The following TMED5 variants were observed in gnomAD, a reference collection of about 807,000 sequenced individuals.
The protein encoded by TMED5 is transmembrane emp24 domain-containing protein 5.
In TMED5, 27 loss-of-function variants were observed where a neutral mutation model predicts 23.0. The ratio of observed to expected loss-of-function variants is 1.17; its 90% CI spans 0.86 to 1.62. TMED5 has a LOEUF of 1.62. Among genes scored for constraint, TMED5 ranks in the 40% most tolerant of loss-of-function variants. TMED5 has a pLI of 0.00. For synonymous variants in TMED5, 97 were observed against 100.8 expected (o/e 0.96, Z 0.23); for missense variants, 248 against 273.7 (o/e 0.91, Z 0.66).
chr1:93,159,858 T>C (rs1648207743), intron 2 of TMED5, among the ~76,000 whole-genome samples: 1 of 152,168 alleles, frequency 6.6e-6, no homozygotes, highest in Non-Finnish European at 1.5e-5. Flanking sequence ...AATGCCACGA[T>C]AGATTGAATG....
chr1:93,179,914 C>A, intron 1 of TMED5, 140 bp downstream of exon 1: 1 of 909,650 alleles, frequency 1.1e-6, no homozygotes. Flanking sequence ...CGCGCGCCTG[C>A]GCGGAGCGGG....
intron 1 of TMED5, among the ~76,000 whole-genome samples, chr1:93,174,079 TC>T (rs1648824468): frequency 6.6e-6 from 1 of 152,112 alleles, no homozygotes; most frequent in Non-Finnish European, 1.5e-5. Flanking sequence ...TGCCTCAGCC[TC>T]CCGAGTAGCT....
chr1:93,168,525 A>G (rs1648583266), intron 1 of TMED5, among the ~76,000 whole-genome samples: 2 of 152,224 alleles, frequency 1.3e-5, no homozygotes, highest in Non-Finnish European at 2.9e-5. Flanking sequence ...GAATAAGGAA[A>G]ATCTTCAGGG....
At chr1:93,160,295 A>G (rs1488396745) in intron 1 of TMED5, 69 bp from the exon 2 acceptor site, 2 of 875,100 alleles carry the variant, frequency 2.3e-6, no homozygotes, top group South Asian at 3.1e-5. Context: ...TATACAGTAG[A>G]TCATATGATG....
intron 1 of TMED5, among the ~76,000 whole-genome samples, chr1:93,178,556 T>TA: frequency 1.3e-5 from 2 of 152,088 alleles, no homozygotes; most frequent in Non-Finnish European, 2.9e-5. Context: ...TTCTTTCTCT[T>TA]TTACCTACAT....
At position 93,175,994 on chromosome 1, in the gene TMED5, A is replaced by G. The variant is rs560286869; in HGVS notation, c.189+4060T>C. Among the ~76,000 whole-genome samples the G allele has an allele frequency of 2.0e-5, 3 of 152,326 alleles. No individual in the cohort carries two copies. The South Asian group carries it at 6.2e-4, about 32-fold the overall frequency. ...AGGTGATTACTGTTAAAGTATAGAA[A>G]CTGGTACAGAGAGGCTCAATACCTT... On this transcript the variant is annotated intron_variant, in intron 1 of 3. Coordinates refer to ENST00000370282, the MANE Select transcript of TMED5 (RefSeq NM_016040.5).
chr1:93,163,437 C>G (rs1275130031), intron 1 of TMED5, among the ~76,000 whole-genome samples: 1 of 150,836 alleles, frequency 6.6e-6, no homozygotes, highest in Non-Finnish European at 1.5e-5. Flanking sequence ...CTCTGGCTCT[C>G]AGGTTCAAAT....
At chr1:93,166,190 A>C (rs923139468) in intron 1 of TMED5, among the ~76,000 whole-genome samples, 2 of 152,150 alleles carry the variant, frequency 1.3e-5, no homozygotes, top group Admixed American at 1.3e-4. Context: ...GTTGCTTCCA[A>C]ATTTTGGCTG....
At chr1:93,160,998 C>T (rs1412321733) in intron 1 of TMED5, 1 of 152,210 alleles carries the variant, frequency 6.6e-6, no homozygotes, top group Non-Finnish European at 1.5e-5. Context: ...TCTTCTACTA[C>T]TTCCCAGTAT....
chr1:93,169,882 T>TAAACACACACAC (rs1553159702), intron 1 of TMED5, among the ~76,000 whole-genome samples: 5 of 130,502 alleles, frequency 3.8e-5, no homozygotes, highest in Non-Finnish European at 8.0e-5. Context: ...ACCCTGTCTG[T>TAAACACACACAC]ACACACACAC....
At chr1:93,160,081 C>T in intron 2 of TMED5, 48 bp downstream of exon 2, 2 of 1,127,606 alleles carry the variant, frequency 1.8e-6, no homozygotes, top group Non-Finnish European at 2.7e-6. Flanking sequence ...TGCAGATAAC[C>T]CACTGGTATT....
chr1:93,165,235 A>G (rs1239377882), intron 1 of TMED5, among the ~76,000 whole-genome samples: 1 of 152,250 alleles, frequency 6.6e-6, no homozygotes, highest in East Asian at 1.9e-4. Context: ...AAATATTTTA[A>G]GCCAGTAAAT....
chr1:93,156,468 A>G lies in TMED5; in HGVS notation c.303T>C (p.Val101=). 1 of 1,613,568 alleles carries G rather than the reference A, an allele frequency of 6.2e-7. No individual in the cohort carries two copies. Among genetic ancestry groups the G allele is most frequent in the Non-Finnish European group, 8.5e-7 (1 of 1,179,584 alleles). The change falls in exon 3 of 4, where the codon GTT becomes GTC. Residue 101 remains valine, a synonymous_variant. Transcript: ENST00000370282. ...SDGVHTVETE[V]GDYMFCFDNT... is the part of the protein sequence containing the mutation. ...TGTCAAAGCAGAACATGTAATCACC[A>G]ACTTCAGTCTCTACACTGTATAAAA...
At position 93,154,073 on chromosome 1, in the gene TMED5, T is replaced by C. The variant is rs1389646260; in HGVS notation, c.*597A>G. 6.5e-6 allele frequency: 1 copy of C among 152,698 alleles called. No individual in the cohort carries two copies. Among genetic ancestry groups the C allele is most frequent in the Non-Finnish European group, 1.5e-5 (1 of 68,066 alleles). The allele number at this position is 152,698 out of a possible 1,614,324, so 9.5% of individuals were successfully genotyped here. A position where few individuals can be genotyped will look rare whatever the true frequency, so the allele number is the denominator to read the frequency against. On this transcript the variant is annotated 3_prime_UTR_variant, in exon 4 of 4. Coordinates refer to ENST00000370282, the MANE Select transcript of TMED5 (RefSeq NM_016040.5). Reference sequence around the variant, plus strand: ...GCAAAGTACAAAGACTAATGCTTTCTGCTAATATGTTACACTGAAATGTAT... The same window carrying C: ...GCAAAGTACAAAGACTAATGCTTTCCGCTAATATGTTACACTGAAATGTAT...
chr1:93,152,734 A>G lies in TMED5; in HGVS notation c.*1936T>C, dbSNP rs1647922549. The G allele has an allele frequency of 6.6e-6, 1 of 152,578 alleles. No individual in the cohort carries two copies. Among genetic ancestry groups the G allele is most frequent in the South Asian group, 2.1e-4 (1 of 4,828 alleles). 9.5% of individuals were successfully genotyped at this position (152,578 alleles called of 1,614,324 possible). ...TTTTATAGAAAAGATGCAGTAGTTT[A>G]TATCTGTACCCTGCTTTATTAGTTA... On this transcript the variant is annotated 3_prime_UTR_variant, in exon 4 of 4. Coordinates refer to ENST00000370282, the MANE Select transcript of TMED5 (RefSeq NM_016040.5).
chr1:93,180,364 C>T lies in TMED5; in HGVS notation c.-122G>A. The T allele has an allele frequency of 1.5e-6, 2 of 1,308,732 alleles. No individual in the cohort carries two copies. The highest frequency in any genetic ancestry group is 2.1e-6 in the Non-Finnish European group (2 of 964,500). 81.1% of individuals were successfully genotyped at this position (1,308,732 alleles called of 1,614,324 possible). On this transcript the variant is annotated 5_prime_UTR_variant, in exon 1 of 4. Coordinates refer to ENST00000370282, the MANE Select transcript of TMED5 (RefSeq NM_016040.5). ...TGGAGTCTGAAGAAACTCCAGGTGGCGGCCGCGGCGGCGGCGAACACTCCC... is the reference window on the plus strand; with the variant it reads ...TGGAGTCTGAAGAAACTCCAGGTGGTGGCCGCGGCGGCGGCGAACACTCCC...
At chr1:93,171,482 G>A (rs1648734156) in intron 1 of TMED5, among the ~76,000 whole-genome samples, 1 of 152,164 alleles carries the variant, frequency 6.6e-6, no homozygotes, top group Non-Finnish European at 1.5e-5. Context: ...CCAATTCCTT[G>A]AAAGATATAA....
rs1332151812 is a variant in TMED5 at position 93,153,384 on chromosome 1, A to C, written c.*1286T>G. Reference sequence around the variant, plus strand: ...CATTTTAATAAAAGTTGTTATAATAAAAATTTTTAATAAATATGTACACCC... The same window carrying C: ...CATTTTAATAAAAGTTGTTATAATACAAATTTTTAATAAATATGTACACCC... On this transcript the variant is annotated 3_prime_UTR_variant, in exon 4 of 4. Transcript: ENST00000370282. 6.6e-6 allele frequency: 1 copy of C among 152,156 alleles called. No individual in the cohort carries two copies. Among genetic ancestry groups the C allele is most frequent in the Non-Finnish European group, 1.5e-5 (1 of 67,998 alleles). 9.4% of individuals were successfully genotyped at this position (152,156 alleles called of 1,614,324 possible).
At chr1:93,177,866 G>A (rs1648974923) in intron 1 of TMED5, among the ~76,000 whole-genome samples, 1 of 152,058 alleles carries the variant, frequency 6.6e-6, no homozygotes, top group African/African-American at 2.4e-5. Context: ...GATCACATAA[G>A]TTTTAAGTAG....
Sources: allele counts gnomAD v4.1 joint callset (sites outside exome capture counted in the v4.1 genomes callset), GRCh38; gene constraint gnomAD v4.1.1; transcripts MANE v1.5; gene names NCBI Gene and HGNC (gene_info 2026-07-23, HGNC 2026-07-21).